RGL4: variants seen among roughly 807,000 people sequenced by gnomAD.
RGL4 encodes the protein ral guanine nucleotide dissociation stimulator like 4, also known as ral-GDS-related protein.
Under a neutral mutation model 49.6 loss-of-function variants are expected in RGL4, and 41 were observed. The observed-to-expected ratio is 0.83, with a 90% CI of 0.64 to 1.07. RGL4 has a LOEUF of 1.07. Among genes scored for constraint, RGL4 ranks in the 50% least tolerant of loss-of-function variants. The pLI is 0.00. For synonymous variants in RGL4, 255 were observed against 238.0 expected (o/e 1.07, Z -0.66); for missense variants, 610 against 591.9 (o/e 1.03, Z -0.32).
chr22:23,696,553 C>A, intron 6 of RGL4, 61 bp from the exon 7 acceptor site: 1 of 1,610,990 alleles, frequency 6.2e-7, no homozygotes. Flanking sequence ...TGCGGGGTGG[C>A]TGGGGTGTAA....
Position 23,698,824 on chromosome 22 carries a change from G to A in RGL4, c.1383-20G>A, listed in dbSNP as rs1480990906. On this transcript the variant is annotated intron_variant, in intron 10 of 10. Coordinates refer to ENST00000290691, the MANE Select transcript of RGL4 (RefSeq NM_153615.2). ...ATGTGTGGCTCATGGTGGCCTCACA[G>A]CTGCTTCTCTGTCCTGCAGCTACAA... is the stretch of plus-strand genomic sequence containing the variant. 76 of 1,605,784 alleles carry A rather than the reference G, an allele frequency of 4.7e-5. No homozygotes were observed. The highest frequency in any genetic ancestry group is 6.3e-5 in the Non-Finnish European group (74 of 1,176,170).
chr22:23,692,364 C>A lies in RGL4; in HGVS notation c.209C>A (p.Pro70His). The A allele has an allele frequency of 2.5e-6, 4 of 1,614,154 alleles. No homozygotes were observed. The highest frequency in any genetic ancestry group is 2.5e-6 in the Non-Finnish European group (3 of 1,180,012). The stretch of plus-strand genomic sequence containing the variant: ...ATCACCTCCATTTTGTTCAACTGGC[C>A]CCCCGAAAACACTTCAGTTTACTAT... ...RTITSILFNW[P>H]PENTSVYYQP... Residue 70 changes from proline to histidine, a missense_variant, in exon 2 of 11, where the codon CCC (proline) becomes CAC (histidine). Transcript: ENST00000290691.
Position 23,694,975 on chromosome 22 carries a change from C to A in RGL4, c.1042C>A (p.Leu348Ile). 1 of 1,613,594 alleles carries A rather than the reference C, an allele frequency of 6.2e-7. No individual in the cohort carries two copies. Among genetic ancestry groups the A allele is most frequent in the Non-Finnish European group, 8.5e-7 (1 of 1,179,606 alleles). Residue 348 changes from leucine to isoleucine, a missense_variant, in exon 6 of 11, where the codon CTC becomes ATC. Transcript: ENST00000290691. ...CAAAAGCATGAAAGAGCTAAAAGAA[C>A]TCTGCAAAAAAGACACTGCAGTGAA... ...SSKSMKELKE[L>I]CKKDTAVKRD...
rs115083001 is a variant in RGL4 at position 23,699,167 on chromosome 22, T to G, written c.*284T>G. 3.7e-6 allele frequency: 5 copies of G among 1,359,002 alleles called. No individual in the cohort carries two copies. In the East Asian group the frequency reaches 9.2e-5, roughly 25 times the overall value. 84.2% of individuals were successfully genotyped at this position (1,359,002 alleles called of 1,614,324 possible). ...TCGTTAAAATAAAATTTTAAAAAAC[T>G]ATTCAAAATGTTCTGTAGTTGTTGG... On this transcript the variant is annotated 3_prime_UTR_variant, in exon 11 of 11. Transcript: ENST00000290691.
Position 23,697,030 on chromosome 22 carries a change from G to A in RGL4, c.1162-141G>A, listed in dbSNP as rs562030613. The A allele has an allele frequency of 6.3e-4, 444 of 704,076 alleles. 4 individuals carry two copies. In the African/African-American group the frequency reaches 7.2e-3, roughly 11 times the overall value. 43.6% of individuals were successfully genotyped at this position (704,076 alleles called of 1,614,324 possible). On this transcript the variant is annotated intron_variant, in intron 7 of 10. Coordinates refer to ENST00000290691, the MANE Select transcript of RGL4 (RefSeq NM_153615.2). ...GAAAGGCAGCTGAGGGTCTTTGGCT[G>A]CTCCAACCGGGAGACCTGAGGAGGG... is the stretch of plus-strand genomic sequence containing the variant.
At chr22:23,694,236 G>A in intron 4 of RGL4, 111 bp from the exon 5 acceptor site, 2 of 903,442 alleles carry the variant, frequency 2.2e-6, no homozygotes, top group Non-Finnish European at 3.6e-6. Flanking sequence ...CCCTCCTGAG[G>A]CTCCCCAGGC....
At chr22:23,692,554 C>T in intron 2 of RGL4, 26 bp downstream of exon 2, 1 of 1,600,464 alleles carries the variant, frequency 6.2e-7, no homozygotes, top group East Asian at 2.2e-5. Context: ...GTCTGCAAGA[C>T]TTTCCGGGGG....
intron 6 of RGL4, chr22:23,695,409 C>T (rs554756993): frequency 7.6e-6 from 4 of 529,796 alleles, no homozygotes; most frequent in South Asian, 3.1e-5. Context: ...TTCCTCAAAC[C>T]GGCCAGCAAT....
chr22:23,697,526 GGGTAGTCCCGTAATA>G (rs1923586718), intron 8 of RGL4, among the ~76,000 whole-genome samples: 1 of 152,182 alleles, frequency 6.6e-6, no homozygotes, highest in East Asian at 1.9e-4. Flanking sequence ...CTTCTCCCTA[GGGTAGTCCCGTAATA>G]GGAGGGTGAA....
At position 23,691,603 on chromosome 22, in the gene RGL4, GAC is replaced by G. The variant is rs1048170255; in HGVS notation, c.-427_-426del. The stretch of plus-strand genomic sequence containing the variant: ...CATATCTACAGAATGTTACAGGTGA[GAC>G]CCTCATGGCCTCCTCTACGTATGGT... On this transcript the variant is annotated 5_prime_UTR_variant, in exon 1 of 11. The change creates a premature stop within an existing upstream ORF in the 5' untranslated region. Transcript: ENST00000290691. 9.6e-5 allele frequency: 17 copies of G among 176,652 alleles called. No homozygotes were observed. Among genetic ancestry groups the G allele is most frequent in the Admixed American group, 8.1e-4 (15 of 18,430 alleles). 10.9% of individuals were successfully genotyped at this position (176,652 alleles called of 1,614,324 possible). A position where few individuals can be genotyped will look rare whatever the true frequency, so the allele number is the denominator to read the frequency against.
Position 23,698,257 on chromosome 22 carries a change from A to G in RGL4, c.1306A>G (p.Met436Val), listed in dbSNP as rs755159596. Residue 436 changes from methionine to valine, a missense_variant, in exon 10 of 11, where the codon ATG becomes GTG. By Grantham distance (21) the Met-to-Val change is conservative. Coordinates refer to ENST00000290691, the MANE Select transcript of RGL4 (RefSeq NM_153615.2). ...AATGCAGCTGCTCCAAGTGGCTGCC[A>G]TGAATTACAGGCTTCGGCCTCTTGA... ...QEMQLLQVAA[M>V]NYRLRPLEKF... is the part of the protein sequence containing the mutation. The G allele has an allele frequency of 3.1e-6, 5 of 1,611,910 alleles. No individual in the cohort carries two copies. Among genetic ancestry groups the G allele is most frequent in the East Asian group, 2.2e-5 (1 of 44,790 alleles).
In RGL4 at chr22:23,698,918, G is replaced by A. The variant is rs139245935; in HGVS notation, c.*35G>A. The A allele has an allele frequency of 6.8e-5, 110 of 1,608,296 alleles. 2 individuals are homozygous for A. The East Asian group carries it at 1.4e-3, about 21-fold the overall frequency. Reference sequence around the variant, plus strand: ...ATCCTGCAGTGGCTGGGAACCCACCGGGATGCTGGCCAGAACACCGGCTCT... The same window carrying A: ...ATCCTGCAGTGGCTGGGAACCCACCAGGATGCTGGCCAGAACACCGGCTCT... On this transcript the variant is annotated 3_prime_UTR_variant, in exon 11 of 11. Coordinates refer to ENST00000290691, the MANE Select transcript of RGL4 (RefSeq NM_153615.2).
At chr22:23,696,913 C>T (rs577595312) in intron 7 of RGL4, among the ~76,000 whole-genome samples, 1 of 152,320 alleles carries the variant, frequency 6.6e-6, no homozygotes, top group South Asian at 2.1e-4. Flanking sequence ...GACCACAGGC[C>T]TTTGTGACTT....
chr22:23,695,701 C>T (rs1352566545), intron 6 of RGL4, among the ~76,000 whole-genome samples: 2 of 152,316 alleles, frequency 1.3e-5, no homozygotes, highest in East Asian at 1.9e-4. Flanking sequence ...TTAGCAGCGA[C>T]GCATGCTCAT....
chr22:23,697,927 A>G, intron 9 of RGL4, 66 bp downstream of exon 9: 5 of 1,548,336 alleles, frequency 3.2e-6, no homozygotes, highest in Non-Finnish European at 4.4e-6. Context: ...CACCCTGGGC[A>G]GGACACTCCC....
intron 10 of RGL4, 51 bp from the exon 11 acceptor site, chr22:23,698,793 G>C: frequency 6.4e-7 from 1 of 1,573,120 alleles, no homozygotes; most frequent in Non-Finnish European, 8.6e-7. Flanking sequence ...ACTGACAGGG[G>C]ACCTGATGTG....
chr22:23,693,552 A>G (rs552112004), intron 3 of RGL4, among the ~76,000 whole-genome samples: 101 of 152,212 alleles, frequency 6.6e-4, no homozygotes, highest in African/African-American at 2.1e-3. Context: ...GTTGGGTTCT[A>G]GGCCATGATG....
rs1270202942 is a variant in RGL4 at position 23,691,785 on chromosome 22, ACTT to A, written c.-242_-240del. ...AGACTAAAGGAGCTCTGGGGCTCAT[ACTT>A]CTTATAATTCCCACGAGAAGGCTGA... On this transcript the variant is annotated 5_prime_UTR_variant, in exon 1 of 11. Coordinates refer to ENST00000290691, the MANE Select transcript of RGL4 (RefSeq NM_153615.2). The A allele has an allele frequency of 2.2e-6, 1 of 457,946 alleles. No individual in the cohort carries two copies. The highest frequency in any genetic ancestry group is 4.0e-6 in the Non-Finnish European group (1 of 252,046). The allele number at this position is 457,946 out of a possible 1,614,324, so 28.4% of individuals were successfully genotyped here.
chr22:23,693,836 C>T lies in RGL4; in HGVS notation c.774C>T (p.His258=), dbSNP rs755147957. The T allele has an allele frequency of 3.1e-6, 5 of 1,613,978 alleles. No individual in the cohort carries two copies. The African/African-American group carries it at 6.7e-5, about 22-fold the overall frequency. The change falls in exon 4 of 11, where the codon CAC becomes CAT. Residue 258 remains histidine (H), a synonymous_variant. Coordinates refer to ENST00000290691, the MANE Select transcript of RGL4 (RefSeq NM_153615.2). ...AAGGACATCTGAAGGGGAATGAGCA[C>T]ATGGCACCCACAGTTCGTGCCACCA... is the stretch of plus-strand genomic sequence containing the variant. The part of the protein sequence containing the change: ...WGQGHLKGNE[H]MAPTVRATIA...
Sources: gnomAD v4.1 joint callset for allele counts (sites outside exome capture counted in the v4.1 genomes callset) on GRCh38, gnomAD v4.1.1 for gene constraint, MANE v1.5 for transcripts, NCBI Gene and HGNC (gene_info 2026-07-23, HGNC 2026-07-21) for gene names.